Variants in CEP83 observed in about 807,000 individuals in gnomAD.
CEP83 encodes the protein centrosomal protein 83.
In CEP83, 70 loss-of-function variants were observed where a neutral mutation model predicts 101.9. That is an observed-to-expected ratio of 0.69 (90% CI 0.57 to 0.84). CEP83 has a LOEUF of 0.84. CEP83 is among the 40% of genes least tolerant of loss of function. The pLI is 0.00. For synonymous variants in CEP83, 264 were observed against 267.9 expected, an observed-to-expected ratio of 0.99 and a Z score of 0.14; for missense variants, 715 against 787.2, an observed-to-expected ratio of 0.91 and a Z score of 1.10.
intron 6 of CEP83, among the ~76,000 whole-genome samples, chr12:94,385,153 A>T (rs1487564522): frequency 6.6e-6 from 1 of 152,152 alleles, no homozygotes; most frequent in Non-Finnish European, 1.5e-5. Flanking sequence ...AGGGCTTCTC[A>T]TGATACCCAT....
chr12:94,335,816 G>A (rs535741548), intron 11 of CEP83, 152 bp from the exon 12 acceptor site: 196 of 608,764 alleles, frequency 3.2e-4, no homozygotes, highest in Non-Finnish European at 5.1e-4. Context: ...TTGTGTTCAC[G>A]TATAACAAAA....
chr12:94,303,712 T>C (rs1351110305), downstream of CEP83: 4 of 1,102,566 alleles, frequency 3.6e-6, no homozygotes, highest in Non-Finnish European at 4.9e-6. Context: ...TTTTTTTTTT[T>C]ACTCTTTTGG....
chr12:94,437,508 GA>G (rs1354410840), intron 1 of CEP83, among the ~76,000 whole-genome samples: 1 of 152,180 alleles, frequency 6.6e-6, no homozygotes, highest in African/African-American at 2.4e-5. Context: ...ACCTACAAAG[GA>G]AAACCTAACA....
intron 2 of CEP83, among the ~76,000 whole-genome samples, chr12:94,413,236 A>G (rs1043813449): frequency 2.6e-5 from 4 of 152,226 alleles, no homozygotes; most frequent in African/African-American, 9.6e-5. Flanking sequence ...AAGCTGAATC[A>G]CACCTTGAAC....
At chr12:94,377,876 T>C (rs2061633543) in intron 7 of CEP83, among the ~76,000 whole-genome samples, 1 of 152,190 alleles carries the variant, frequency 6.6e-6, no homozygotes, top group South Asian at 2.1e-4. Context: ...TAAGGTACAA[T>C]GATACTGACA....
At chr12:94,273,689 AG>A in the CEP83 span, among the ~76,000 whole-genome samples, 6 of 152,324 alleles carry the variant, frequency 3.9e-5, no homozygotes, top group South Asian at 1.0e-3. Context: ...GGATGAGTAC[AG>A]GTTCTGATTT....
rs1246133508 is a variant in CEP83 at position 94,337,772 on chromosome 12, G to T, written c.1344-2108C>A. 2.0e-5 allele frequency among the ~76,000 whole-genome samples: 3 copies of T among 152,148 alleles called. No individual in the cohort carries two copies. The East Asian group carries it at 5.8e-4, about 29-fold the overall frequency. Reference sequence around the variant, plus strand: ...AGATAGAGAAATTAAAGATACAGGTGACGAAGAGTATAGAGGAAGTAGAGA... The same window carrying T: ...AGATAGAGAAATTAAAGATACAGGTTACGAAGAGTATAGAGGAAGTAGAGA... On this transcript the variant is annotated intron_variant, in intron 11 of 16. Coordinates refer to ENST00000397809, the MANE Select transcript of CEP83 (RefSeq NM_016122.3).
chr12:94,452,986 C>T (rs1177948010), intron 1 of CEP83, among the ~76,000 whole-genome samples: 2 of 152,150 alleles, frequency 1.3e-5, no homozygotes, highest in Non-Finnish European at 2.9e-5. Context: ...TAAACTACCC[C>T]CATTTGCAAG....
chr12:94,385,621 A>C (rs1473297322), intron 6 of CEP83, among the ~76,000 whole-genome samples: 1 of 152,174 alleles, frequency 6.6e-6, no homozygotes, highest in Non-Finnish European at 1.5e-5. Context: ...TCTCCCTTAA[A>C]TGGCTGATAG....
At chr12:94,349,522 C>T (rs1196188610) in intron 11 of CEP83, among the ~76,000 whole-genome samples, 1 of 152,090 alleles carries the variant, frequency 6.6e-6, no homozygotes, top group Admixed American at 6.5e-5. Context: ...GAAAAAAATG[C>T]ATGATCATCT....
chr12:94,447,944 A>C (rs2066928630), intron 1 of CEP83, among the ~76,000 whole-genome samples: 1 of 152,176 alleles, frequency 6.6e-6, no homozygotes, highest in Admixed American at 6.5e-5. Context: ...AATATGAAAA[A>C]TGCAGATGTA....
At chr12:94,270,096 G>A in the CEP83 span, among the ~76,000 whole-genome samples, 1 of 152,168 alleles carries the variant, frequency 6.6e-6, no homozygotes, top group Non-Finnish European at 1.5e-5. Flanking sequence ...ATTTATATTT[G>A]TACCCCTCAG....
chr12:94,268,588 C>CTTTTTTTTTTTTTTTTTTTTTT, the CEP83 span, among the ~76,000 whole-genome samples: 5 of 90,884 alleles, frequency 5.5e-5, no homozygotes, highest in African/African-American at 9.2e-5. Flanking sequence ...AGAATAAGAC[C>CTTTTTTTTTTTTTTTTTTTTTT]TTTTTTTTTT....
intron 11 of CEP83, among the ~76,000 whole-genome samples, chr12:94,360,059 G>T (rs143386143): frequency 4.3e-4 from 65 of 152,244 alleles, no homozygotes; most frequent in African/African-American, 1.5e-3. Flanking sequence ...AAAAGCGTCT[G>T]ACAAAAATTC....
chr12:94,401,380 T>A (rs2137584748), intron 5 of CEP83: 1 of 152,360 alleles, frequency 6.6e-6, no homozygotes, highest in South Asian at 2.1e-4. Context: ...AAAAGAGATG[T>A]AAGGTTATTG....
At chr12:94,346,187 T>C (rs561090079) in intron 11 of CEP83, among the ~76,000 whole-genome samples, 1 of 151,968 alleles carries the variant, frequency 6.6e-6, no homozygotes, top group South Asian at 2.1e-4. Flanking sequence ...GTAGCTGGGA[T>C]TACAGGCACC....
chr12:94,325,472 C>T (rs533747160), intron 14 of CEP83, among the ~76,000 whole-genome samples: 4 of 152,320 alleles, frequency 2.6e-5, no homozygotes, highest in East Asian at 1.9e-4. Context: ...CGCACCCAGC[C>T]TACTCCTGTC....
chr12:94,425,234 A>T (rs187716349), intron 2 of CEP83, among the ~76,000 whole-genome samples: 95 of 152,316 alleles, frequency 6.2e-4, no homozygotes, highest in African/African-American at 2.2e-3. Flanking sequence ...GAGCATGCTC[A>T]GATGAGCCAA....
Position 94,347,754 on chromosome 12 carries a change from G to A in CEP83, c.1344-12090C>T, listed in dbSNP as rs144316216. On this transcript the variant is annotated intron_variant, in intron 11 of 16. Coordinates refer to ENST00000397809, the MANE Select transcript of CEP83 (RefSeq NM_016122.3). Reference sequence around the variant, plus strand: ...GACATGGGCTACTGATACACTCAGAGCATGGATAAGTCACGGGTTGCCTAA... The same window carrying A: ...GACATGGGCTACTGATACACTCAGAACATGGATAAGTCACGGGTTGCCTAA... Among the ~76,000 whole-genome samples, 596 of 152,282 alleles carry A rather than the reference G, an allele frequency of 3.9e-3. 4 individuals carry two copies. Among genetic ancestry groups the A allele is most frequent in the Admixed American group, 5.0e-3 (76 of 15,290 alleles).
Sources: gnomAD v4.1 joint callset for allele counts (sites outside exome capture counted in the v4.1 genomes callset) on GRCh38, gnomAD v4.1.1 for gene constraint, MANE v1.5 for transcripts, NCBI Gene and HGNC (gene_info 2026-07-23, HGNC 2026-07-21) for gene names.